Variants in MPP7 observed in about 807,000 individuals in gnomAD.
MPP7 encodes MAGUK p55 scaffold protein 7, also known as MAGUK p55 subfamily member 7.
MPP7 carries 60 observed loss-of-function variants against 76.5 expected under a neutral mutation model. That is an observed-to-expected ratio of 0.78 (90% CI 0.64 to 0.97). The LOEUF (loss-of-function observed/expected upper bound fraction) is 0.97. Ranked by LOEUF, MPP7 falls within the 50% of genes least tolerant of loss-of-function variation. MPP7 has a pLI of 0.00. For synonymous variants in MPP7, 237 were observed against 244.5 expected, an observed-to-expected ratio of 0.97 and a Z score of 0.29; for missense variants, 641 against 694.0, an observed-to-expected ratio of 0.92 and a Z score of 0.86.
chr10:28,129,783 C>T (rs921381202), intron 6 of MPP7, among the ~76,000 whole-genome samples: 23 of 152,050 alleles, frequency 1.5e-4, no homozygotes, highest in African/African-American at 5.3e-4. Flanking sequence ...CAAAAAAACC[C>T]TCCTGATATA....
chr10:28,112,685 GA>G (rs1487739474), intron 11 of MPP7, among the ~76,000 whole-genome samples: 2 of 152,056 alleles, frequency 1.3e-5, no homozygotes, highest in Non-Finnish European at 2.9e-5. Context: ...GAACAAAGAG[GA>G]AAAAATATAT....
At chr10:28,110,606 G>C (rs974246305) in intron 11 of MPP7, among the ~76,000 whole-genome samples, 1 of 152,128 alleles carries the variant, frequency 6.6e-6, no homozygotes, top group African/African-American at 2.4e-5. Flanking sequence ...TTCTTTTAAA[G>C]AACTGATAAA....
intron 1 of MPP7, among the ~76,000 whole-genome samples, chr10:28,281,277 T>TG (rs1477066181): frequency 6.6e-6 from 1 of 151,990 alleles, no homozygotes; most frequent in Non-Finnish European, 1.5e-5. Context: ...TTAGTAGAGA[T>TG]GGAGTTTTGC....
chr10:28,301,688 T>C (rs1463266457), intron 1 of MPP7, among the ~76,000 whole-genome samples: 6 of 152,182 alleles, frequency 3.9e-5, no homozygotes, highest in Non-Finnish European at 8.8e-5. Flanking sequence ...AAAATGGACA[T>C]GCTATGCACA....
chr10:28,054,218 T>C lies in MPP7; in HGVS notation c.1578A>G (p.Lys526=). 4.4e-6 allele frequency: 7 copies of C among 1,576,130 alleles called. No homozygotes were observed. Among genetic ancestry groups the C allele is most frequent in the Non-Finnish European group, 6.0e-6 (7 of 1,159,234 alleles). The part of the protein sequence containing the change: ...FTEEDFQEMI[K]SAQIMESQYG... ...ATTGACTTTCCATTATCTGTGCAGA[T>C]TTAATCATTTCTTGAAAATCTTCTT... The change falls in exon 17 of 17, where the codon AAA becomes AAG. Residue 526 remains lysine, a synonymous_variant. Transcript: ENST00000683449.
intron 11 of MPP7, among the ~76,000 whole-genome samples, chr10:28,103,832 C>A (rs1853949306): frequency 6.6e-6 from 1 of 152,008 alleles, no homozygotes; most frequent in Admixed American, 6.6e-5. Flanking sequence ...TAAGGTGGTT[C>A]TCTCTCGAGA....
At chr10:28,223,594 T>C (rs1168802696) in intron 2 of MPP7, among the ~76,000 whole-genome samples, 1 of 152,174 alleles carries the variant, frequency 6.6e-6, no homozygotes, top group Non-Finnish European at 1.5e-5. Context: ...GGAGAATTAC[T>C]GTTTTACAAA....
At chr10:28,129,721 A>T (rs969202033) in intron 6 of MPP7, among the ~76,000 whole-genome samples, 3 of 152,170 alleles carry the variant, frequency 2.0e-5, no homozygotes, top group African/African-American at 7.2e-5. Context: ...TCTACCAAAA[A>T]CTTGCACCAA....
chr10:28,093,029 G>A (rs1038929830), intron 11 of MPP7, among the ~76,000 whole-genome samples: 1 of 152,062 alleles, frequency 6.6e-6, no homozygotes, highest in African/African-American at 2.4e-5. Context: ...CACCTACTCT[G>A]TCACGGATGT....
At chr10:28,130,270 C>G (rs1286656666) in intron 6 of MPP7, among the ~76,000 whole-genome samples, 1 of 152,066 alleles carries the variant, frequency 6.6e-6, no homozygotes, top group Non-Finnish European at 1.5e-5. Context: ...TTCAAAAACA[C>G]TTGCAAAGAG....
intron 1 of MPP7, among the ~76,000 whole-genome samples, chr10:28,287,813 GAGTA>G (rs1172252430): frequency 5.3e-5 from 8 of 152,126 alleles, no homozygotes; most frequent in Non-Finnish European, 1.0e-4. Context: ...AATGATACAT[GAGTA>G]AGAAAGATCC....
chr10:28,150,026 T>C lies in MPP7; in HGVS notation c.190A>G (p.Ser64Gly), dbSNP rs754942974. 6.2e-7 allele frequency: 1 copy of C among 1,613,756 alleles called. No individual in the cohort carries two copies. Among genetic ancestry groups the C allele is most frequent in the Non-Finnish European group, 8.5e-7 (1 of 1,179,902 alleles). The change falls in exon 4 of 17, where the codon AGT (serine) becomes GGT (glycine). Residue 64 changes from serine (S) to glycine (G), a missense_variant. Coordinates refer to ENST00000683449, the MANE Select transcript of MPP7 (RefSeq NM_001318170.2). ...HEKLHYYEKQ[S>G]PVPILHGAAA... ...GCACCATGGAGAATGGGCACCGGAC[T>C]CTGCTTCTCATAGTAGTGTAGTTTT...
At chr10:28,308,777 C>CA (rs200117685) in intron 2 of MPP7, among the ~76,000 whole-genome samples, 1,484 of 141,534 alleles carry the variant, frequency 0.01, 21 homozygotes, top group South Asian at 0.062. Context: ...GACCCTGTCT[C>CA]AAAAAAAAAA....
At chr10:28,202,850 A>T (rs2133988355) in intron 2 of MPP7, 1 of 152,136 alleles carries the variant, frequency 6.6e-6, no homozygotes, top group Admixed American at 6.5e-5. Context: ...AAAGCTACGT[A>T]GAACTTAGTT....
intron 11 of MPP7, among the ~76,000 whole-genome samples, chr10:28,098,061 A>G (rs1291640883): frequency 6.6e-6 from 1 of 152,190 alleles, no homozygotes; most frequent in African/African-American, 2.4e-5. Flanking sequence ...CTTAATGCTT[A>G]CATACATAAA....
chr10:28,126,052 A>G (rs1336652345), intron 6 of MPP7, among the ~76,000 whole-genome samples: 2 of 152,256 alleles, frequency 1.3e-5, no homozygotes, highest in Non-Finnish European at 2.9e-5. Context: ...AAACACATTT[A>G]TATCATTAAA....
intron 1 of MPP7, among the ~76,000 whole-genome samples, chr10:28,255,543 T>C (rs558828229): frequency 5.3e-5 from 8 of 152,058 alleles, no homozygotes; most frequent in Admixed American, 2.6e-4. Context: ...GCCTCCCAAG[T>C]AGCTGGGAAT....
chr10:28,260,796 T>TAAA (rs1839927144), intron 1 of MPP7, among the ~76,000 whole-genome samples: 3 of 147,108 alleles, frequency 2.0e-5, no homozygotes, highest in African/African-American at 7.9e-5. Context: ...AAAAAAAAAT[T>TAAA]TTTTTTAAAT....
chr10:28,203,568 T>G (rs988728341), intron 2 of MPP7, among the ~76,000 whole-genome samples: 4 of 151,570 alleles, frequency 2.6e-5, no homozygotes, highest in Non-Finnish European at 4.4e-5. Flanking sequence ...ATCTATTCCC[T>G]TAAAATCCTG....
Sources: allele counts gnomAD v4.1 joint callset (sites outside exome capture counted in the v4.1 genomes callset), GRCh38; gene constraint gnomAD v4.1.1; transcripts MANE v1.5; gene names NCBI Gene and HGNC (gene_info 2026-07-23, HGNC 2026-07-21).